The following MYO9A variants were observed in gnomAD, a reference collection of about 807,000 sequenced individuals.
MYO9A encodes the protein unconventional myosin-IXa.
Under a neutral mutation model 293.3 loss-of-function variants are expected in MYO9A, and 103 were observed. The ratio of observed to expected loss-of-function variants is 0.35; its 90% CI spans 0.30 to 0.41. MYO9A has a LOEUF of 0.41. Among genes scored for constraint, MYO9A ranks in the 10% least tolerant of loss-of-function variants. The pLI is 1.00. For synonymous variants in MYO9A, 1,001 were observed against 1,035.7 expected, an observed-to-expected ratio of 0.97 and a Z score of 0.64; for missense variants, 2,685 against 3,033.0, an observed-to-expected ratio of 0.89 and a Z score of 2.69.
intron 31 of MYO9A, among the ~76,000 whole-genome samples, chr15:71,876,425 ATTTTTTTTTT>A (rs397854202): frequency 3.3e-5 from 2 of 61,070 alleles, no homozygotes; most frequent in African/African-American, 8.6e-5. Context: ...CCTGGCTGGT[ATTTTTTTTTT>A]TTTTTTTTTT....
chr15:71,862,670 G>T, intron 32 of MYO9A, 59 bp from the exon 33 acceptor site: 1 of 1,132,408 alleles, frequency 8.8e-7, no homozygotes, highest in Non-Finnish European at 1.3e-6. Context: ...CTGCCCTAAC[G>T]TGGTGGGAAA....
chr15:72,037,276 A>G (rs945918185), intron 2 of MYO9A, among the ~76,000 whole-genome samples: 1 of 151,764 alleles, frequency 6.6e-6, no homozygotes, highest in Non-Finnish European at 1.5e-5. Flanking sequence ...AAAAAAAAAA[A>G]AAAAAACACC....
chr15:71,826,496 T>C lies in MYO9A; in HGVS notation c.*84A>G. The C allele has an allele frequency of 7.7e-7, 1 of 1,299,874 alleles. No homozygotes were observed. Among genetic ancestry groups the C allele is most frequent in the Non-Finnish European group, 1.1e-6 (1 of 940,734 alleles). The allele number at this position is 1,299,874 out of a possible 1,614,324, so 80.5% of individuals were successfully genotyped here. A position where few individuals can be genotyped will look rare whatever the true frequency, so the allele number is the denominator to read the frequency against. ...GCAGGACCACAATTAGGATTGACTATTGTGGACGAGGTGATGAAACGCAGC... is the reference window on the plus strand; with the variant it reads ...GCAGGACCACAATTAGGATTGACTACTGTGGACGAGGTGATGAAACGCAGC... On this transcript the variant is annotated 3_prime_UTR_variant, in exon 42 of 42. Transcript: ENST00000356056.
chr15:71,966,424 T>A (rs1322901040), intron 13 of MYO9A, among the ~76,000 whole-genome samples: 1 of 152,122 alleles, frequency 6.6e-6, no homozygotes, highest in Admixed American at 6.5e-5. Flanking sequence ...ATCTAAACAC[T>A]TTATTTGTGC....
chr15:72,050,841 A>G (rs1309044165), intron 1 of MYO9A, among the ~76,000 whole-genome samples: 1 of 152,184 alleles, frequency 6.6e-6, no homozygotes, highest in African/African-American at 2.4e-5. Context: ...GAGAAGTCAC[A>G]AAATTCCACA....
chr15:72,064,940 C>A (rs2078975729), intron 1 of MYO9A, among the ~76,000 whole-genome samples: 1 of 152,130 alleles, frequency 6.6e-6, no homozygotes, highest in Non-Finnish European at 1.5e-5. Flanking sequence ...AGGACTTATA[C>A]TACCAAATAT....
intron 1 of MYO9A, among the ~76,000 whole-genome samples, chr15:72,100,875 G>T (rs1446874398): frequency 5.5e-5 from 8 of 145,128 alleles, no homozygotes; most frequent in Admixed American, 3.4e-4. Flanking sequence ...GAGGTGGGGG[G>T]GGTCAGCCCC....
At chr15:71,869,649 T>C (rs1239686978) in intron 32 of MYO9A, among the ~76,000 whole-genome samples, 1 of 152,058 alleles carries the variant, frequency 6.6e-6, no homozygotes, top group Non-Finnish European at 1.5e-5. Flanking sequence ...AATTATATTA[T>C]GTCAAACAAA....
intron 34 of MYO9A, among the ~76,000 whole-genome samples, chr15:71,856,612 AT>A (rs1235851508): frequency 2.6e-5 from 4 of 152,172 alleles, no homozygotes; most frequent in Non-Finnish European, 5.9e-5. Flanking sequence ...TAAAGGAATA[AT>A]CAGTTTATTA....
Position 72,032,622 on chromosome 15 carries a change from A to T in MYO9A, c.841-34T>A, listed in dbSNP as rs768173697. On this transcript the variant is annotated intron_variant, in intron 2 of 41. Coordinates refer to ENST00000356056, the MANE Select transcript of MYO9A (RefSeq NM_006901.4). ...ATAAATAATTCTCATTAGTTTCACT[A>T]AAAAAAAAAAATTTTTTTTTGGAGG... 5 of 775,846 alleles carry T rather than the reference A, an allele frequency of 6.4e-6. No individual in the cohort carries two copies. In the East Asian group the frequency reaches 2.4e-4, roughly 37 times the overall value. 48.1% of individuals were successfully genotyped at this position (775,846 alleles called of 1,614,324 possible).
In MYO9A at chr15:71,827,982, G is replaced by C; in HGVS notation, c.7085C>G (p.Ser2362Cys). 6.2e-7 allele frequency: 1 copy of C among 1,613,826 alleles called. No individual in the cohort carries two copies. Among genetic ancestry groups the C allele is most frequent in the Non-Finnish European group, 8.5e-7 (1 of 1,179,814 alleles). Residue 2362 changes from serine (S) to cysteine (C), a missense_variant, in exon 41 of 42, where the codon TCT becomes TGT. Ser to Cys is a moderately radical substitution (Grantham distance 112, BLOSUM62 -1). Transcript: ENST00000356056. ...FEMLVLEPRA[S>C]DDETLESEAS... Reference sequence around the variant, plus strand: ...CTCAGACTCAAGGGTTTCATCATCAGAGGCACGGGGTTCCAGTACAAGCAT... The same window carrying C: ...CTCAGACTCAAGGGTTTCATCATCACAGGCACGGGGTTCCAGTACAAGCAT...
At chr15:72,072,990 G>A (rs532341400) in intron 1 of MYO9A, among the ~76,000 whole-genome samples, 2 of 152,298 alleles carry the variant, frequency 1.3e-5, no homozygotes, top group South Asian at 2.1e-4. Flanking sequence ...CAACTTAAGT[G>A]TCCATCAATG....
In MYO9A at chr15:71,925,999, C is replaced by T. The variant is rs566045449; in HGVS notation, c.2562+7671G>A. ...GTGCCATTAGGTGAAACAGCTGCCT[C>T]TTCCAATTTTATGGGGTAACTTTCT... On this transcript the variant is annotated intron_variant, in intron 18 of 41. Transcript: ENST00000356056. 2.0e-5 allele frequency among the ~76,000 whole-genome samples: 3 copies of T among 152,304 alleles called. No homozygotes were observed. In the East Asian group the frequency reaches 5.8e-4, roughly 29 times the overall value.
intron 20 of MYO9A, 58 bp from the exon 21 acceptor site, chr15:71,904,097 G>A: frequency 1.5e-6 from 2 of 1,325,844 alleles, no homozygotes; most frequent in Non-Finnish European, 1.1e-6. Context: ...TTAATTATCT[G>A]TTTATAAGCA....
intron 32 of MYO9A, among the ~76,000 whole-genome samples, chr15:71,869,457 G>C (rs777932484): frequency 6.6e-6 from 1 of 152,074 alleles, no homozygotes; most frequent in Non-Finnish European, 1.5e-5. Context: ...CCAATGTCAC[G>C]GAAACTAAGA....
chr15:72,100,948 C>T (rs2080274908), intron 1 of MYO9A, among the ~76,000 whole-genome samples: 1 of 135,808 alleles, frequency 7.4e-6, no homozygotes. Context: ...CCCGGCCAGC[C>T]GCCGCGTCCC....
chr15:71,894,784 G>A (rs1247236179), intron 25 of MYO9A, among the ~76,000 whole-genome samples: 1 of 152,146 alleles, frequency 6.6e-6, no homozygotes, highest in Non-Finnish European at 1.5e-5. Flanking sequence ...ATAGATGCCA[G>A]AATCTGATGA....
chr15:71,960,128 G>T, intron 13 of MYO9A, 32 bp from the exon 14 acceptor site: 2 of 1,591,576 alleles, frequency 1.3e-6, no homozygotes, highest in Non-Finnish European at 8.6e-7. Context: ...GTTACTTATG[G>T]GAAAAAAAAA....
At chr15:72,109,506 T>C (rs915533391) in intron 1 of MYO9A, among the ~76,000 whole-genome samples, 4 of 152,154 alleles carry the variant, frequency 2.6e-5, no homozygotes, top group African/African-American at 9.7e-5. Flanking sequence ...CTCTTCCAAC[T>C]TTTCTATTTC....
Sources: allele counts gnomAD v4.1 joint callset (sites outside exome capture counted in the v4.1 genomes callset), GRCh38; gene constraint gnomAD v4.1.1; transcripts MANE v1.5; gene names NCBI Gene and HGNC (gene_info 2026-07-23, HGNC 2026-07-21).